PDIA5: variants seen among roughly 807,000 people sequenced by gnomAD.
The protein encoded by PDIA5 is protein disulfide isomerase family A member 5.
In PDIA5, 58 loss-of-function variants were observed where a neutral mutation model predicts 77.6. That is an observed-to-expected ratio of 0.75 (90% CI 0.61 to 0.93). The LOEUF is 0.93. Among genes scored for constraint, PDIA5 ranks in the 40% least tolerant of loss-of-function variants. The pLI is 0.00. For missense variants in PDIA5, 630 were observed against 647.7 expected (o/e 0.97, Z 0.30); for synonymous variants, 250 against 252.1 (o/e 0.99, Z 0.08).
chr3:123,099,753 C>G (rs1343138516), intron 3 of PDIA5, among the ~76,000 whole-genome samples: 1 of 152,218 alleles, frequency 6.6e-6, no homozygotes, highest in East Asian at 1.9e-4. Context: ...TGTCGTGGGA[C>G]TTTTCCATGG....
intron 3 of PDIA5, among the ~76,000 whole-genome samples, chr3:123,093,704 T>C (rs990166984): frequency 6.6e-6 from 1 of 152,168 alleles, no homozygotes; most frequent in Non-Finnish European, 1.5e-5. Context: ...AGGCAGACAC[T>C]TAGCCCAGCG....
chr3:123,143,276 T>A (rs552497899), intron 11 of PDIA5, among the ~76,000 whole-genome samples: 2 of 151,332 alleles, frequency 1.3e-5, no homozygotes, highest in Admixed American at 1.3e-4. Flanking sequence ...TCCCAGCTAC[T>A]CGGGAGGCTG....
At position 123,108,659 on chromosome 3, in the gene PDIA5, G is replaced by A. The variant is rs897884372; in HGVS notation, c.480+1818G>A. Among the ~76,000 whole-genome samples the A allele has an allele frequency of 1.9e-4, 29 of 151,096 alleles. No homozygotes were observed. The East Asian group carries it at 2.4e-3, about 13-fold the overall frequency. On this transcript the variant is annotated intron_variant, in intron 6 of 16. Transcript: ENST00000316218. ...TCCCAGCACTTTGGGAGGCCGAGGC[G>A]GGTGGATCACAAGGTCAGGAGTTTG...
intron 5 of PDIA5, among the ~76,000 whole-genome samples, chr3:123,106,431 A>G (rs1014676263): frequency 6.6e-6 from 1 of 152,188 alleles, no homozygotes; most frequent in Non-Finnish European, 1.5e-5. Context: ...TGAATAAGCC[A>G]ACTCATTGTC....
chr3:123,139,622 A>T (rs1033131542), intron 11 of PDIA5, among the ~76,000 whole-genome samples: 3 of 152,124 alleles, frequency 2.0e-5, no homozygotes, highest in African/African-American at 4.8e-5. Flanking sequence ...CAAAGATGGT[A>T]GTGGGGAGGA....
intron 13 of PDIA5, among the ~76,000 whole-genome samples, chr3:123,147,960 C>T (rs2107984284): frequency 6.6e-6 from 1 of 152,310 alleles, no homozygotes; most frequent in Non-Finnish European, 1.5e-5. Flanking sequence ...GAGTCTTGGC[C>T]ACAAACAGCG....
intron 11 of PDIA5, among the ~76,000 whole-genome samples, chr3:123,136,639 T>C (rs758532273): frequency 7.0e-6 from 1 of 142,682 alleles, no homozygotes; most frequent in Non-Finnish European, 1.5e-5. Flanking sequence ...CTTGGGAGGC[T>C]GAGGCAAGAG....
chr3:123,132,870 A>G (rs1224369971), intron 11 of PDIA5, among the ~76,000 whole-genome samples: 1 of 152,080 alleles, frequency 6.6e-6, no homozygotes, highest in Non-Finnish European at 1.5e-5. Flanking sequence ...TAGGGTTGGG[A>G]GAGGTCACCA....
intron 15 of PDIA5, among the ~76,000 whole-genome samples, chr3:123,157,878 TG>T (rs1936054420): frequency 6.6e-6 from 1 of 151,934 alleles, no homozygotes; most frequent in Non-Finnish European, 1.5e-5. Flanking sequence ...GGCAAGCAGG[TG>T]GGGGGCTCAC....
chr3:123,101,320 G>A (rs952262524), intron 3 of PDIA5, among the ~76,000 whole-genome samples: 2 of 152,180 alleles, frequency 1.3e-5, no homozygotes, highest in Non-Finnish European at 2.9e-5. Context: ...ATTTCCAACA[G>A]GTTCCTGGAT....
chr3:123,134,275 C>T (rs181085993), intron 11 of PDIA5, among the ~76,000 whole-genome samples: 179 of 152,274 alleles, frequency 1.2e-3, no homozygotes, highest in African/African-American at 4.2e-3. Context: ...AGTAAGTACC[C>T]AGTCAATGTT....
chr3:123,153,645 G>A (rs1311074305), intron 14 of PDIA5, among the ~76,000 whole-genome samples: 1 of 152,064 alleles, frequency 6.6e-6, no homozygotes, highest in African/African-American at 2.4e-5. Context: ...ACTTGGCAAA[G>A]CCCTCTACAC....
intron 1 of PDIA5, among the ~76,000 whole-genome samples, chr3:123,070,422 T>G (rs1933691902): frequency 6.6e-6 from 1 of 152,228 alleles, no homozygotes; most frequent in Non-Finnish European, 1.5e-5. Flanking sequence ...CATGAATATG[T>G]ATTAGTTTAT....
At chr3:123,124,231 C>T (rs1935189265) in intron 9 of PDIA5, 41 bp from the exon 10 acceptor site, 2 of 1,581,654 alleles carry the variant, frequency 1.3e-6, no homozygotes, top group African/African-American at 1.3e-5. Context: ...GTGGCATTTG[C>T]ATCCGTGACT....
intron 11 of PDIA5, among the ~76,000 whole-genome samples, chr3:123,132,934 C>A (rs553844247): frequency 2.1e-4 from 32 of 152,246 alleles, no homozygotes; most frequent in African/African-American, 7.7e-4. Context: ...GCTGGGCTGG[C>A]AGAGTGAGAG....
chr3:123,142,212 G>A (rs1349176940), intron 11 of PDIA5, among the ~76,000 whole-genome samples: 5 of 152,226 alleles, frequency 3.3e-5, no homozygotes, highest in African/African-American at 7.2e-5. Context: ...CCACTGGATC[G>A]CGGGCTGCAC....
chr3:123,103,335 C>T (rs759957805), intron 5 of PDIA5, among the ~76,000 whole-genome samples: 1 of 152,176 alleles, frequency 6.6e-6, no homozygotes, highest in South Asian at 2.1e-4. Flanking sequence ...AATCACAAAG[C>T]GGCTGCCCCA....
intron 8 of PDIA5, among the ~76,000 whole-genome samples, chr3:123,118,886 C>T (rs1475533648): frequency 2.6e-5 from 4 of 152,238 alleles, no homozygotes; most frequent in South Asian, 2.1e-4. Flanking sequence ...TTATTAAGGC[C>T]GGAAGCATAG....
chr3:123,116,379 C>A, intron 8 of PDIA5, 81 bp downstream of exon 8: 1 of 1,060,230 alleles, frequency 9.4e-7, no homozygotes, highest in South Asian at 1.3e-5. Flanking sequence ...GGGGTGGGGA[C>A]AGGTTTTGAA....
Sources: allele counts gnomAD v4.1 joint callset (sites outside exome capture counted in the v4.1 genomes callset), GRCh38; gene constraint gnomAD v4.1.1; transcripts MANE v1.5; gene names NCBI Gene and HGNC (gene_info 2026-07-23, HGNC 2026-07-21).